The following GLT1D1 variants were observed in gnomAD, a reference collection of about 807,000 sequenced individuals.
GLT1D1 encodes the protein glycosyltransferase 1 domain containing 1, also known as glycosyltransferase 1 domain-containing protein 1.
A neutral mutation model predicts 28.7 loss-of-function variants in GLT1D1; 21 were observed. The observed-to-expected ratio is 0.73, with a 90% CI of 0.52 to 1.05. GLT1D1 has a LOEUF of 1.05. GLT1D1 is among the 50% of genes least tolerant of loss of function. The pLI is 0.00. For missense variants in GLT1D1, 343 were observed against 330.6 expected, an observed-to-expected ratio of 1.04 and a Z score of -0.29; for synonymous variants, 147 against 124.8, an observed-to-expected ratio of 1.18 and a Z score of -1.19.
rs1555271943 is a variant in GLT1D1 at position 128,939,837 on chromosome 12, A to ACCGC, written c.376-5487_376-5486insGCCC. On this transcript the variant is annotated intron_variant, in intron 4 of 7. Coordinates refer to ENST00000281703, the MANE Select transcript of GLT1D1 (RefSeq NM_144669.3). ...GGGGGATGTTGCCAAATTGTTAGAA[A>ACCGC]CCCCCCCCCACCGCCGATCCAATCA... 2.9e-4 allele frequency among the ~76,000 whole-genome samples: 28 copies of ACCGC among 97,614 alleles called. 1 individual carries two copies. Among genetic ancestry groups the ACCGC allele is most frequent in the African/African-American group, 1.3e-3 (28 of 21,428 alleles). 64.0% of individuals were successfully genotyped at this position (97,614 alleles called of 152,430 possible). A position where few individuals can be genotyped will look rare whatever the true frequency, so the allele number is the denominator to read the frequency against.
chr12:128,951,747 C>T (rs904824256), intron 6 of GLT1D1, among the ~76,000 whole-genome samples: 10 of 152,240 alleles, frequency 6.6e-5, no homozygotes, highest in African/African-American at 2.4e-4. Context: ...ACGTCATCAT[C>T]GTCCAGGAGT....
rs528528285 is a variant in GLT1D1, at chr12:128,901,760, T to A, written c.375+2473T>A. Reference sequence around the variant, plus strand: ...CCTCTTTTTTTTTATTATTATTATTTTTTTTGAGACGGGCTCTCATTCTGT... The same window carrying A: ...CCTCTTTTTTTTTATTATTATTATTATTTTTGAGACGGGCTCTCATTCTGT... On this transcript the variant is annotated intron_variant, in intron 4 of 7. Coordinates refer to ENST00000281703, the MANE Select transcript of GLT1D1 (RefSeq NM_144669.3). Among the ~76,000 whole-genome samples, 42 of 151,070 alleles carry A rather than the reference T, an allele frequency of 2.8e-4. 1 individual carries two copies. The highest frequency in any genetic ancestry group is 9.7e-4 in the East Asian group (5 of 5,138).
At chr12:128,979,840 C>T (rs149161986) in intron 7 of GLT1D1, among the ~76,000 whole-genome samples, 2,239 of 152,000 alleles carry the variant, frequency 0.015, 25 homozygotes, top group Non-Finnish European at 0.025. Flanking sequence ...GTGCTCAGAA[C>T]ACTTACACTA....
At chr12:128,973,057 T>A (rs1456525558) in intron 7 of GLT1D1, among the ~76,000 whole-genome samples, 1 of 152,084 alleles carries the variant, frequency 6.6e-6, no homozygotes, top group Non-Finnish European at 1.5e-5. Context: ...TTTCCTCTCC[T>A]GCAGCCTGCC....
intron 7 of GLT1D1, among the ~76,000 whole-genome samples, chr12:128,973,744 T>C (rs998280991): frequency 6.6e-6 from 1 of 152,104 alleles, no homozygotes; most frequent in African/African-American, 2.4e-5. Flanking sequence ...GAAGCACCTT[T>C]CAGCCAGCCG....
intron 4 of GLT1D1, among the ~76,000 whole-genome samples, chr12:128,936,596 A>G (rs1026557720): frequency 2.0e-5 from 3 of 152,172 alleles, no homozygotes; most frequent in African/African-American, 7.2e-5. Flanking sequence ...AACGAAGCAT[A>G]TGGTCTCTGC....
chr12:128,969,762 C>A (rs1878848517), intron 7 of GLT1D1, among the ~76,000 whole-genome samples: 3 of 152,232 alleles, frequency 2.0e-5, no homozygotes, highest in Admixed American at 1.3e-4. Context: ...GCTGTGAGCT[C>A]AGTCCCCACC....
intron 6 of GLT1D1, among the ~76,000 whole-genome samples, chr12:128,947,893 G>A (rs528815673): frequency 6.6e-6 from 1 of 152,336 alleles, no homozygotes; most frequent in East Asian, 1.9e-4. Flanking sequence ...CTTTGCAGGT[G>A]GCAGGAGACA....
intron 2 of GLT1D1, among the ~76,000 whole-genome samples, chr12:128,881,550 AAAAAAAAAAAAATATATATATAT>A (rs1334497002): frequency 3.7e-4 from 27 of 73,522 alleles, no homozygotes; most frequent in African/African-American, 1.5e-3. Context: ...AAAAAAAAAA[AAAAAAAAAAAAATATATATATAT>A]ATATATATAT....
intron 4 of GLT1D1, among the ~76,000 whole-genome samples, chr12:128,934,280 T>C (rs535989566): frequency 6.6e-4 from 96 of 146,196 alleles, no homozygotes; most frequent in South Asian, 3.3e-3. Context: ...CTCGGCTCAC[T>C]GCAACCTCCA....
intron 1 of GLT1D1, among the ~76,000 whole-genome samples, chr12:128,855,584 C>T (rs1682456): frequency 0.092 from 14,019 of 151,770 alleles, 717 homozygotes; most frequent in East Asian, 0.18. Flanking sequence ...AAACTGTTAA[C>T]GGAAAGAGGT....
intron 1 of GLT1D1, among the ~76,000 whole-genome samples, chr12:128,867,257 G>A (rs1956556612): frequency 1.3e-5 from 2 of 151,752 alleles, no homozygotes; most frequent in Non-Finnish European, 2.9e-5. Flanking sequence ...GCCGGGCGTG[G>A]TGGCGAATGC....
intron 4 of GLT1D1, among the ~76,000 whole-genome samples, chr12:128,923,614 C>T (rs942272939): frequency 8.6e-5 from 13 of 152,044 alleles, no homozygotes; most frequent in South Asian, 2.1e-4. Context: ...CTCCGCCTCC[C>T]GGGTTTAAGC....
In GLT1D1 at chr12:128,870,368, G is replaced by A. The variant is rs555113978; in HGVS notation, c.69-5546G>A. 3.3e-5 allele frequency among the ~76,000 whole-genome samples: 5 copies of A among 152,294 alleles called. No homozygotes were observed. In the East Asian group the frequency reaches 5.8e-4, roughly 18 times the overall value. On this transcript the variant is annotated intron_variant, in intron 1 of 7. Coordinates refer to ENST00000281703, the MANE Select transcript of GLT1D1 (RefSeq NM_144669.3). ...GTTGCTGGCCGGGGAGCCACAGAGC[G>A]TCTGTGAATCTTGAGTCAGGCGCGC...
rs114761816 is a variant in GLT1D1, at chr12:128,973,532, G to A, written c.640-9397G>A. ...CCTCTCCCCCAGGCATAACCAGAAC[G>A]AATGGCAGATTTACCGCCGCACTTT... On this transcript the variant is annotated intron_variant, in intron 7 of 7. Coordinates refer to ENST00000281703, the MANE Select transcript of GLT1D1 (RefSeq NM_144669.3). Among the ~76,000 whole-genome samples the A allele has an allele frequency of 3.8e-3, 570 of 151,526 alleles. 2 individuals are homozygous for A. Among genetic ancestry groups the A allele is most frequent in the African/African-American group, 0.013 (529 of 41,268 alleles).
intron 2 of GLT1D1, among the ~76,000 whole-genome samples, chr12:128,882,161 G>T (rs1957074552): frequency 6.6e-6 from 1 of 151,998 alleles, no homozygotes; most frequent in South Asian, 2.1e-4. Context: ...TTTAAAATTA[G>T]TATTTGCTGA....
intron 4 of GLT1D1, chr12:128,944,379 C>A: frequency 3.9e-6 from 4 of 1,015,966 alleles, no homozygotes; most frequent in Non-Finnish European, 6.2e-6. Context: ...TTTCCAACAC[C>A]GCTTTTTTTC....
chr12:128,885,958 C>G (rs985113888), intron 2 of GLT1D1, among the ~76,000 whole-genome samples: 2 of 152,172 alleles, frequency 1.3e-5, no homozygotes, highest in African/African-American at 4.8e-5. Context: ...CCACAATTCC[C>G]GTGTGTTGTG....
At chr12:128,879,459 T>TTTC (rs1359913540) in intron 2 of GLT1D1, among the ~76,000 whole-genome samples, 3 of 130,744 alleles carry the variant, frequency 2.3e-5, no homozygotes, top group African/African-American at 8.7e-5. Flanking sequence ...TCTTTCTTTC[T>TTTC]TTTTTTTGGG....
Sources: gnomAD v4.1 joint callset for allele counts (sites outside exome capture counted in the v4.1 genomes callset) on GRCh38, gnomAD v4.1.1 for gene constraint, MANE v1.5 for transcripts, NCBI Gene and HGNC (gene_info 2026-07-23, HGNC 2026-07-21) for gene names.